The following ODF2 variants were observed in gnomAD, a reference collection of about 807,000 sequenced individuals.
ODF2 encodes the protein outer dense fiber protein 2.
A neutral mutation model predicts 110.2 loss-of-function variants in ODF2; 47 were observed. The ratio of observed to expected loss-of-function variants is 0.43; its 90% CI spans 0.34 to 0.54. The LOEUF (loss-of-function observed/expected upper bound fraction) is 0.54, where lower values mean the gene tolerates loss of function less well. Among genes scored for constraint, ODF2 ranks in the 20% least tolerant of loss-of-function variants. The pLI, the probability that ODF2 is intolerant of heterozygous loss-of-function variation, is 0.03. For missense variants in ODF2, 812 were observed against 1,054.5 expected, an observed-to-expected ratio of 0.77 and a Z score of 3.19; for synonymous variants, 352 against 397.7, an observed-to-expected ratio of 0.89 and a Z score of 1.37.
At chr9:128,498,933 C>G (rs1846097601) in intron 19 of ODF2, 68 bp from the exon 20 acceptor site, 2 of 1,598,826 alleles carry the variant, frequency 1.3e-6, no homozygotes, top group East Asian at 2.2e-5. Flanking sequence ...GTGGGCCCAG[C>G]CTTCTCTTTG....
chr9:128,459,753 C>G (rs894850860), intron 3 of ODF2, 96 bp downstream of exon 2: 25 of 825,776 alleles, frequency 3.0e-5, no homozygotes, highest in Middle Eastern at 2.3e-4. Flanking sequence ...TGCTGGGCAC[C>G]ATCGCCGCCC....
intron 13 of ODF2, 97 bp from the exon 14 acceptor site, chr9:128,487,793 C>T (rs941021416): frequency 6.1e-6 from 8 of 1,308,566 alleles, no homozygotes; most frequent in Admixed American, 2.6e-5. Context: ...TCTAAAAAAA[C>T]AAACAAACAA....
chr9:128,485,360 C>G lies in ODF2; in HGVS notation c.1291-5C>G, dbSNP rs753495869. The stretch of plus-strand genomic sequence containing the variant: ...CTAACAGGCCCTTTTGTCCCGTGTT[C>G]CCAGGATCTTTATGTCGCTGAAGCT... On this transcript the variant is annotated splice_region_variant and splice_polypyrimidine_tract_variant and intron_variant, in intron 12 of 20. Coordinates refer to ENST00000604420, the Ensembl canonical transcript of ODF2. This position sits in a 1 kb window ranked among gnomAD's most constrained non-coding sequence, Gnocchi z 5.0. 7 of 1,551,470 alleles carry G rather than the reference C, an allele frequency of 4.5e-6. No individual in the cohort carries two copies. In the South Asian group the frequency reaches 5.6e-5, roughly 12 times the overall value.
rs1050217851 is a variant in ODF2, at chr9:128,456,591, C to T, written c.-209+336C>T. 3.3e-6 allele frequency: 5 copies of T among 1,522,100 alleles called. No homozygotes were observed. The African/African-American group carries it at 5.6e-5, about 17-fold the overall frequency. The allele number at this position is 1,522,100 out of a possible 1,614,324, so 94.3% of individuals were successfully genotyped here. On this transcript the variant is annotated intron_variant, in intron 1 of 20. Coordinates refer to ENST00000604420, the Ensembl canonical transcript of ODF2. ...CCTGCCTGCTGGTGGGTGGCCGTCCCTTCTCTCCGCCGACAGAGGCTCTCC... is the reference window on the plus strand; with the variant it reads ...CCTGCCTGCTGGTGGGTGGCCGTCCTTTCTCTCCGCCGACAGAGGCTCTCC...
At chr9:128,493,350 G>A (rs1162142472) in intron 16 of ODF2, among the ~76,000 whole-genome samples, 2 of 152,088 alleles carry the variant, frequency 1.3e-5, no homozygotes, top group East Asian at 1.9e-4. Context: ...GTGCCACTAC[G>A]CTCTAGCCTG....
In ODF2 at chr9:128,492,825, T is replaced by C. The variant is rs1844854164; in HGVS notation, c.1752+20T>C. 2 of 1,595,220 alleles carry C rather than the reference T, an allele frequency of 1.3e-6. No individual in the cohort carries two copies. Among genetic ancestry groups the C allele is most frequent in the African/African-American group, 2.7e-5 (2 of 74,572 alleles). On this transcript the variant is annotated intron_variant, in intron 16 of 20. Transcript: ENST00000604420. Reference sequence around the variant, plus strand: ...GAGGCGGTACTGCTTTCCTTCCTTGTTTTCTTCTCCTACCCAATTCCATAT... The same window carrying C: ...GAGGCGGTACTGCTTTCCTTCCTTGCTTTCTTCTCCTACCCAATTCCATAT...
At position 128,492,419 on chromosome 9, in the gene ODF2, C is replaced by G; in HGVS notation, c.1537-7C>G. On this transcript the variant is annotated splice_polypyrimidine_tract_variant and splice_region_variant and intron_variant, in intron 14 of 20. Coordinates refer to ENST00000604420, the Ensembl canonical transcript of ODF2. Reference sequence around the variant, plus strand: ...CCTGTGGGTTACTCATGAGCCATCCCTTCCAGGCCAGCTTTGCTCCAATGG... The same window carrying G: ...CCTGTGGGTTACTCATGAGCCATCCGTTCCAGGCCAGCTTTGCTCCAATGG... 6.2e-7 allele frequency: 1 copy of G among 1,608,484 alleles called. No individual in the cohort carries two copies. The highest frequency in any genetic ancestry group is 1.1e-5 in the South Asian group (1 of 90,860).
chr9:128,456,145 C>A (rs1435922723), upstream of ODF2: 3 of 1,548,482 alleles, frequency 1.9e-6, no homozygotes, highest in Non-Finnish European at 2.6e-6. Context: ...GGGGAGGAGC[C>A]GCTGCCAGAG....
chr9:128,457,753 G>T (rs986254133), intron 2 of ODF2, among the ~76,000 whole-genome samples: 1 of 152,042 alleles, frequency 6.6e-6, no homozygotes, highest in Non-Finnish European at 1.5e-5. Flanking sequence ...TAAATAACAC[G>T]TAGGAGGTGG....
intron 12 of ODF2, 80 bp downstream of exon 12, chr9:128,484,966 G>T: frequency 1.4e-5 from 18 of 1,284,464 alleles, no homozygotes; most frequent in Middle Eastern, 2.4e-4. Flanking sequence ...AGCCAGATGG[G>T]TAGCGGGGAG....
chr9:128,493,310 AG>A (rs1844988630), intron 16 of ODF2, among the ~76,000 whole-genome samples: 1 of 152,088 alleles, frequency 6.6e-6, no homozygotes, highest in Non-Finnish European at 1.5e-5. Flanking sequence ...GCTTGAACCC[AG>A]GAGGTGGAGG....
intron 8 of ODF2, among the ~76,000 whole-genome samples, chr9:128,477,659 G>T (rs75603907): frequency 1.8e-4 from 27 of 151,252 alleles, no homozygotes; most frequent in African/African-American, 5.8e-4. Flanking sequence ...AGGCTGGAGT[G>T]CAGTGGCGCA....
At chr9:128,469,757 G>A (rs1396991400) in intron 5 of ODF2, among the ~76,000 whole-genome samples, 1 of 151,348 alleles carries the variant, frequency 6.6e-6, no homozygotes, top group Non-Finnish European at 1.5e-5. Context: ...CACTTTGGGA[G>A]GCGGATCCCC....
chr9:128,497,425 A>T (rs1845731304), intron 18 of ODF2: 1 of 47,090 alleles, frequency 2.1e-5, no homozygotes, highest in Admixed American at 2.2e-4. Flanking sequence ...GTCTCTACTA[A>T]AAAAAAAAAA....
chr9:128,495,277 C>T (rs1845393681), intron 17 of ODF2, among the ~76,000 whole-genome samples: 1 of 152,250 alleles, frequency 6.6e-6, no homozygotes, highest in South Asian at 2.1e-4. Context: ...AGCACCTCTT[C>T]TGTGTTCCTG....
rs768273351 is a variant in ODF2 at position 128,472,909 on chromosome 9, C to T, written c.582-4C>T. ...GGCTCACAGAGCCGTCTTTCTGGCCCCAGACTTCAGAAGAAACACCTACAA... is the reference window on the plus strand; with the variant it reads ...GGCTCACAGAGCCGTCTTTCTGGCCTCAGACTTCAGAAGAAACACCTACAA... On this transcript the variant is annotated splice_region_variant and splice_polypyrimidine_tract_variant and intron_variant, in intron 6 of 20. Coordinates refer to ENST00000604420, the Ensembl canonical transcript of ODF2. 3 of 1,613,868 alleles carry T rather than the reference C, an allele frequency of 1.9e-6. No individual in the cohort carries two copies. The highest frequency in any genetic ancestry group is 4.5e-5 in the East Asian group (2 of 44,860).
chr9:128,491,658 C>A (rs1174892943), intron 14 of ODF2, among the ~76,000 whole-genome samples: 1 of 150,902 alleles, frequency 6.6e-6, no homozygotes, highest in Non-Finnish European at 1.5e-5. Context: ...AGCGAGACTC[C>A]ATCTCAAAAA....
exon 7 of ODF2, chr9:128,472,919 G>C (rs369571295): frequency 6.2e-7 from 1 of 1,614,040 alleles, no homozygotes; most frequent in Non-Finnish European, 8.5e-7. Context: ...CCAGACTTCA[G>C]AAGAAACACC....
At chr9:128,481,279 T>C (rs1049231956) in intron 8 of ODF2, among the ~76,000 whole-genome samples, 1 of 152,156 alleles carries the variant, frequency 6.6e-6, no homozygotes, top group Non-Finnish European at 1.5e-5. Flanking sequence ...AAGACCAGCC[T>C]GGGCAAACAG....
Sources: gnomAD v4.1 joint callset for allele counts (sites outside exome capture counted in the v4.1 genomes callset) on GRCh38, gnomAD v4.1.1 for gene constraint, Gnocchi (gnomAD v3.1) non-coding constraint, MANE v1.5 for transcripts, NCBI Gene and HGNC (gene_info 2026-07-23, HGNC 2026-07-21) for gene names.